The following CACNA1C variants were observed in gnomAD, a reference collection of about 807,000 sequenced individuals.
CACNA1C encodes calcium voltage-gated channel subunit alpha1 C.
Under a neutral mutation model 229.0 loss-of-function variants are expected in CACNA1C, and 30 were observed. That is an observed-to-expected ratio of 0.13 (90% CI 0.10 to 0.18). The LOEUF is 0.18. Ranked by LOEUF, CACNA1C falls within the 10% of genes least tolerant of loss-of-function variation. The pLI is 1.00. For synonymous variants in CACNA1C, 1,114 were observed against 1,132.5 expected, an observed-to-expected ratio of 0.98 and a Z score of 0.33; for missense variants, 1,658 against 2,845.0, an observed-to-expected ratio of 0.58 and a Z score of 9.49.
intron 1 of CACNA1C, among the ~76,000 whole-genome samples, chr12:1,974,737 T>C (rs562100072): frequency 2.0e-5 from 3 of 152,282 alleles, no homozygotes; most frequent in Admixed American, 2.0e-4. Flanking sequence ...CTGAATGACC[T>C]GAAAAATGTA....
At chr12:2,540,464 A>G (rs1206924263) in intron 9 of CACNA1C, among the ~76,000 whole-genome samples, 1 of 152,124 alleles carries the variant, frequency 6.6e-6, no homozygotes, top group Non-Finnish European at 1.5e-5. Flanking sequence ...TGGATAGATC[A>G]GGGGTCAGCT....
chr12:2,431,151 G>A (rs2099080060), intron 3 of CACNA1C, among the ~76,000 whole-genome samples: 1 of 152,134 alleles, frequency 6.6e-6, no homozygotes, highest in African/African-American at 2.4e-5. Context: ...TTCAGAAGTG[G>A]GGACCTTGTT....
intron 3 of CACNA1C, among the ~76,000 whole-genome samples, chr12:2,216,263 C>T (rs1015682985): frequency 6.6e-6 from 1 of 152,178 alleles, no homozygotes; most frequent in Non-Finnish European, 1.5e-5. Context: ...CTTCTGGCCC[C>T]TCTTATTGTC....
At chr12:2,610,743 T>A (rs755561317) in intron 28 of CACNA1C, 44 bp downstream of exon 28, 1 of 1,604,402 alleles carries the variant, frequency 6.2e-7, no homozygotes, top group African/African-American at 1.3e-5. Flanking sequence ...CAGAAGGGAG[T>A]GTGCCATGGG....
intron 3 of CACNA1C, among the ~76,000 whole-genome samples, chr12:2,344,071 C>A (rs1388614684): frequency 6.6e-6 from 1 of 152,146 alleles, no homozygotes; most frequent in Non-Finnish European, 1.5e-5. Flanking sequence ...ATTTAAGGAG[C>A]AACCCTGTCT....
intron 3 of CACNA1C, among the ~76,000 whole-genome samples, chr12:2,182,686 G>A (rs1251387540): frequency 6.6e-6 from 1 of 152,146 alleles, no homozygotes. Context: ...AAGTGTGCTA[G>A]GGACTGTGTA....
chr12:2,327,517 T>C (rs1212212615), intron 3 of CACNA1C, among the ~76,000 whole-genome samples: 2 of 152,220 alleles, frequency 1.3e-5, no homozygotes, highest in Non-Finnish European at 2.9e-5. Context: ...TTCACTGTGG[T>C]CCACGGTAGA....
intron 15 of CACNA1C, among the ~76,000 whole-genome samples, chr12:2,583,170 C>A (rs1029613922): frequency 6.6e-6 from 1 of 152,330 alleles, no homozygotes; most frequent in African/African-American, 2.4e-5. Context: ...GCGCTCCGGG[C>A]GGGCTGTCGC....
chr12:2,039,657 G>A (rs182479491), intron 1 of CACNA1C, among the ~76,000 whole-genome samples: 11 of 152,306 alleles, frequency 7.2e-5, no homozygotes, highest in African/African-American at 2.6e-4. Context: ...ATAGCGGTAG[G>A]CTCTATGGGA....
chr12:2,450,426 C>T (rs1018558089), intron 4 of CACNA1C, among the ~76,000 whole-genome samples: 11 of 151,414 alleles, frequency 7.3e-5, no homozygotes, highest in African/African-American at 2.2e-4. Flanking sequence ...AGGTGGCGGG[C>T]GCCTGTAGTC....
At chr12:2,547,411 G>C (rs1347252793) in intron 9 of CACNA1C, 3 of 778,682 alleles carry the variant, frequency 3.9e-6, no homozygotes, top group Non-Finnish European at 7.2e-6. Context: ...TTGATGTCTT[G>C]TTCCTGGTTC....
intron 3 of CACNA1C, among the ~76,000 whole-genome samples, chr12:2,122,737 T>C (rs1431202313): frequency 6.6e-6 from 1 of 152,230 alleles, no homozygotes. Context: ...CAGATTTAAG[T>C]TACCTTTCCA....
chr12:2,242,636 G>A (rs1045216226), intron 3 of CACNA1C, among the ~76,000 whole-genome samples: 4 of 152,194 alleles, frequency 2.6e-5, no homozygotes, highest in African/African-American at 4.8e-5. Flanking sequence ...AGGCCCAACC[G>A]GATTCTTTAC....
intron 18 of CACNA1C, among the ~76,000 whole-genome samples, chr12:2,589,075 GA>G (rs1164602346): frequency 6.6e-6 from 1 of 152,296 alleles, no homozygotes; most frequent in Non-Finnish European, 1.5e-5. Context: ...ACAATCATCA[GA>G]GATGCTGAGA....
chr12:2,066,598 T>G (rs906077161), intron 1 of CACNA1C, among the ~76,000 whole-genome samples: 34 of 152,122 alleles, frequency 2.2e-4, no homozygotes, highest in African/African-American at 8.2e-4. Flanking sequence ...GCGTGGTGGT[T>G]GTGAAGCAGG....
Position 2,610,576 on chromosome 12 carries a change from C to T in CACNA1C, c.3594C>T (p.Pro1198=), listed in dbSNP as rs780691330. The change falls in exon 28 of 47, where the codon CCC becomes CCT. Residue 1198 remains proline (P), a synonymous_variant. Transcript: ENST00000399655. The part of the protein sequence containing the change: ...QCVEYALKAR[P]LRRYIPKNQH... ...TGGAATACGCCCTCAAGGCCCGGCC[C>T]CTGCGGAGGTACATCCCCAAGAACC... is the stretch of plus-strand genomic sequence containing the variant. 2.5e-6 allele frequency: 4 copies of T among 1,614,054 alleles called. No homozygotes were observed. Among genetic ancestry groups the T allele is most frequent in the Non-Finnish European group, 3.4e-6 (4 of 1,179,922 alleles).
intron 1 of CACNA1C, among the ~76,000 whole-genome samples, chr12:2,076,634 C>T (rs2063297478): frequency 6.6e-6 from 1 of 152,142 alleles, no homozygotes; most frequent in Non-Finnish European, 1.5e-5. Flanking sequence ...GATGGTATCT[C>T]TAGTACCCTG....
At chr12:2,088,527 GC>G (rs1410298948) in intron 1 of CACNA1C, among the ~76,000 whole-genome samples, 3 of 152,222 alleles carry the variant, frequency 2.0e-5, no homozygotes, top group African/African-American at 7.2e-5. Context: ...TTATGGGGGT[GC>G]TGAGAGGATT....
At chr12:2,443,066 T>G (rs1022210922) in intron 3 of CACNA1C, among the ~76,000 whole-genome samples, 1 of 152,142 alleles carries the variant, frequency 6.6e-6, no homozygotes, top group Admixed American at 6.5e-5. Flanking sequence ...CCCAAAGTCT[T>G]AAGTCATTCA....
Sources: gnomAD v4.1 joint callset for allele counts (sites outside exome capture counted in the v4.1 genomes callset) on GRCh38, gnomAD v4.1.1 for gene constraint, MANE v1.5 for transcripts, NCBI Gene and HGNC (gene_info 2026-07-23, HGNC 2026-07-21) for gene names.